The following SYT9 variants were observed in gnomAD, a reference collection of about 807,000 sequenced individuals.
SYT9 encodes the protein synaptotagmin 9.
A neutral mutation model predicts 48.4 loss-of-function variants in SYT9; 22 were observed. The observed-to-expected ratio is 0.45, with a 90% CI of 0.32 to 0.65. SYT9 has a LOEUF of 0.65. SYT9 is among the 30% of genes least tolerant of loss of function. The pLI is 0.03. For missense variants in SYT9, 577 were observed against 622.0 expected, an observed-to-expected ratio of 0.93 and a Z score of 0.77; for synonymous variants, 265 against 245.0, an observed-to-expected ratio of 1.08 and a Z score of -0.76.
At chr11:7,318,331 T>C (rs1419215518) in intron 3 of SYT9, among the ~76,000 whole-genome samples, 1 of 152,164 alleles carries the variant, frequency 6.6e-6, no homozygotes, top group African/African-American at 2.4e-5. Flanking sequence ...CCTTTTTTTT[T>C]TTATGGCATT....
rs1460325912 is a variant in SYT9 at position 7,418,122 on chromosome 11, A to G, written c.1331A>G (p.Tyr444Cys). ...QIHLSIAVMDYDRVGHNEIIG... is the reference protein window; with the variant it reads ...QIHLSIAVMDCDRVGHNEIIG... ...CACTTGTCCATAGCAGTCATGGACTATGACCGGTGAGATACCTGGAACTCT... is the reference window on the plus strand; with the variant it reads ...CACTTGTCCATAGCAGTCATGGACTGTGACCGGTGAGATACCTGGAACTCT... Residue 444 changes from tyrosine (Y) to cysteine (C), a missense_variant, in exon 5 of 7, where the codon TAT becomes TGT. Physicochemically the swap from Tyr to Cys is radical, Grantham distance 194. Coordinates refer to ENST00000318881, the MANE Select transcript of SYT9 (RefSeq NM_175733.4). 9 of 1,613,308 alleles carry G rather than the reference A, an allele frequency of 5.6e-6. No individual in the cohort carries two copies. Among genetic ancestry groups the G allele is most frequent in the South Asian group, 1.1e-5 (1 of 90,942 alleles).
chr11:7,362,233 C>T (rs773823559), intron 3 of SYT9, among the ~76,000 whole-genome samples: 1 of 149,566 alleles, frequency 6.7e-6, no homozygotes, highest in African/African-American at 2.5e-5. Context: ...CAACCTCCAC[C>T]TCCTGGGTTC....
intron 3 of SYT9, among the ~76,000 whole-genome samples, chr11:7,345,511 G>A (rs952616395): frequency 1.3e-5 from 2 of 152,200 alleles, no homozygotes; most frequent in Non-Finnish European, 2.9e-5. Context: ...GTCAAAGATG[G>A]ATGATTTTCT....
intron 3 of SYT9, among the ~76,000 whole-genome samples, chr11:7,391,822 G>T (rs1846624318): frequency 6.6e-6 from 1 of 150,772 alleles, no homozygotes; most frequent in Non-Finnish European, 1.5e-5. Flanking sequence ...AACCTGAGGT[G>T]GGAGGATCAC....
chr11:7,271,008 G>A (rs1296384722), intron 1 of SYT9, among the ~76,000 whole-genome samples: 2 of 151,882 alleles, frequency 1.3e-5, no homozygotes, highest in African/African-American at 4.8e-5. Flanking sequence ...TGCTTGGAGA[G>A]GGAAGACTTA....
At chr11:7,441,087 G>A (rs1020136965) in intron 6 of SYT9, 1 of 152,234 alleles carries the variant, frequency 6.6e-6, no homozygotes, top group African/African-American at 2.4e-5. Flanking sequence ...AATAACCCAG[G>A]ACAATGATCA....
At chr11:7,299,803 T>A (rs557392159) in intron 1 of SYT9, among the ~76,000 whole-genome samples, 2 of 152,328 alleles carry the variant, frequency 1.3e-5, no homozygotes, top group African/African-American at 2.4e-5. Flanking sequence ...GTGCATGAGC[T>A]GTAGTCAACT....
chr11:7,251,796 C>T (rs1256952294), upstream of SYT9, among the ~76,000 whole-genome samples: 1 of 152,136 alleles, frequency 6.6e-6, no homozygotes, highest in Non-Finnish European at 1.5e-5. Context: ...GGGAGTACCC[C>T]AGGTCCCCGG....
At chr11:7,390,663 A>G (rs1299442857) in intron 3 of SYT9, among the ~76,000 whole-genome samples, 1 of 152,204 alleles carries the variant, frequency 6.6e-6, no homozygotes, top group African/African-American at 2.4e-5. Flanking sequence ...CTATGAATAA[A>G]GCATACATTG....
chr11:7,401,501 T>A (rs1846892630), intron 3 of SYT9, among the ~76,000 whole-genome samples: 1 of 151,752 alleles, frequency 6.6e-6, no homozygotes, highest in African/African-American at 2.4e-5. Context: ...CTGATATTTT[T>A]TCCTTAACGA....
chr11:7,462,851 T>C (rs1196081830), intron 6 of SYT9, among the ~76,000 whole-genome samples: 1 of 152,194 alleles, frequency 6.6e-6, no homozygotes, highest in Non-Finnish European at 1.5e-5. Flanking sequence ...CAGAGAGATA[T>C]TATCTAATGT....
chr11:7,398,635 TAC>T (rs1846810314), intron 3 of SYT9, among the ~76,000 whole-genome samples: 1 of 152,082 alleles, frequency 6.6e-6, no homozygotes, highest in South Asian at 2.1e-4. Flanking sequence ...CAGTCTCGAT[TAC>T]AGTTTTCTTA....
At chr11:7,294,349 AG>A (rs1848751837) in intron 1 of SYT9, among the ~76,000 whole-genome samples, 1 of 152,208 alleles carries the variant, frequency 6.6e-6, no homozygotes, top group South Asian at 2.1e-4. Flanking sequence ...AAGCCCCAAA[AG>A]TTTTACCTCA....
chr11:7,378,559 G>A (rs1365535600), intron 3 of SYT9, among the ~76,000 whole-genome samples: 2 of 151,752 alleles, frequency 1.3e-5, no homozygotes, highest in East Asian at 3.9e-4. Context: ...TGGAGGAACA[G>A]TTGATGGAGA....
upstream of SYT9, among the ~76,000 whole-genome samples, chr11:7,249,921 C>T (rs1437812832): frequency 5.3e-5 from 8 of 152,256 alleles, no homozygotes; most frequent in East Asian, 5.8e-4. Flanking sequence ...TGATGTTGCT[C>T]GCTCCTCTAC....
chr11:7,358,679 G>A (rs1205417514), intron 3 of SYT9, among the ~76,000 whole-genome samples: 9 of 152,126 alleles, frequency 5.9e-5, no homozygotes, highest in Non-Finnish European at 1.3e-4. Flanking sequence ...AAAACCTAAT[G>A]AGAAGATAAT....
At chr11:7,314,573 C>G (rs1228762494) in intron 3 of SYT9, among the ~76,000 whole-genome samples, 3 of 152,172 alleles carry the variant, frequency 2.0e-5, no homozygotes, top group Non-Finnish European at 4.4e-5. Context: ...GTCAAAGGTG[C>G]TATGTAGTGG....
At chr11:7,372,341 T>A (rs1346843957) in intron 3 of SYT9, among the ~76,000 whole-genome samples, 4 of 152,154 alleles carry the variant, frequency 2.6e-5, no homozygotes, top group African/African-American at 9.7e-5. Context: ...TGAGATTAGA[T>A]CTCACATGTC....
intron 6 of SYT9, among the ~76,000 whole-genome samples, chr11:7,448,410 C>CAT (rs1320768078): frequency 6.6e-6 from 1 of 152,266 alleles, no homozygotes; most frequent in African/African-American, 2.4e-5. Context: ...ACCTCATGCA[C>CAT]ATCTTCTCCG....
Sources: allele counts gnomAD v4.1 joint callset (sites outside exome capture counted in the v4.1 genomes callset), GRCh38; gene constraint gnomAD v4.1.1; transcripts MANE v1.5; gene names NCBI Gene and HGNC (gene_info 2026-07-23, HGNC 2026-07-21).